Variants in BBS9 observed in about 807,000 individuals in gnomAD.
BBS9 encodes the protein protein PTHB1.
BBS9 carries 89 observed loss-of-function variants against 117.7 expected under a neutral mutation model. The ratio of observed to expected loss-of-function variants is 0.76; its 90% CI spans 0.64 to 0.90. BBS9 has a LOEUF of 0.90. Ranked by LOEUF, BBS9 falls within the 40% of genes least tolerant of loss-of-function variation. BBS9 has a pLI of 0.00. For missense variants in BBS9, 982 were observed against 1,042.2 expected (o/e 0.94, Z 0.80); for synonymous variants, 379 against 370.9 (o/e 1.02, Z -0.25).
chr7:33,411,011 G>GTTTTGTTTTTTTTTTTTTTTTT (rs1831033488), intron 19 of BBS9, among the ~76,000 whole-genome samples: 2 of 96,424 alleles, frequency 2.1e-5, no homozygotes, highest in African/African-American at 6.8e-5. Context: ...AAATGTTGGT[G>GTTTTGTTTTTTTTTTTTTTTTT]TTTTTTTTTT....
At chr7:33,619,212 G>A (rs747002469) in intron 21 of BBS9, among the ~76,000 whole-genome samples, 16 of 151,972 alleles carry the variant, frequency 1.1e-4, no homozygotes, top group Admixed American at 3.3e-4. Flanking sequence ...CTATACTTAC[G>A]TCAGGCAAAA....
At position 33,142,331 on chromosome 7, in the gene BBS9, A is replaced by G. The variant is rs145638842; in HGVS notation, c.-11-3911A>G. On this transcript the variant is annotated intron_variant, in intron 1 of 22. Transcript: ENST00000242067. ...TAAAACATCATAAAAGGGGATCAAA[A>G]CCAGAGCAATGGCTAACACTTATTG... Among the ~76,000 whole-genome samples the G allele has an allele frequency of 3.0e-3, 463 of 152,218 alleles. 2 individuals are homozygous for G. The highest frequency in any genetic ancestry group is 0.01 in the African/African-American group (431 of 41,526).
intron 9 of BBS9, among the ~76,000 whole-genome samples, chr7:33,279,252 A>G (rs2128363259): frequency 6.6e-6 from 1 of 151,912 alleles, no homozygotes; most frequent in South Asian, 2.1e-4. Context: ...ATTTTTTCAT[A>G]TTTTTTAGAG....
At chr7:33,165,140 A>G (rs1198003099) in intron 4 of BBS9, among the ~76,000 whole-genome samples, 1 of 152,116 alleles carries the variant, frequency 6.6e-6, no homozygotes. Flanking sequence ...TTTCTTTAAG[A>G]ATGTTGAATA....
chr7:33,215,786 C>T (rs12701285), intron 5 of BBS9, among the ~76,000 whole-genome samples: 22,269 of 152,188 alleles, frequency 0.15, 1,983 homozygotes, highest in South Asian at 0.23. Flanking sequence ...CCCTTACATG[C>T]GGGAGCTAAA....
chr7:33,212,861 C>T (rs1411374240), intron 5 of BBS9, among the ~76,000 whole-genome samples: 3 of 152,112 alleles, frequency 2.0e-5, no homozygotes, highest in Non-Finnish European at 2.9e-5. Flanking sequence ...CTCAATTGAA[C>T]GTAGTCTCTC....
rs35927295 is a variant in BBS9, at chr7:33,221,908, T to TAC, written c.443-35314_443-35313dup. ...AATGCTTAAAAATCATATATATATA[T>TAC]ACACACACACACACATATATGATAT... On this transcript the variant is annotated intron_variant, in intron 5 of 22. Transcript: ENST00000242067. Among the ~76,000 whole-genome samples the TAC allele has an allele frequency of 7.2e-3, 1,087 of 151,698 alleles. 13 individuals are homozygous for TAC. Among genetic ancestry groups the TAC allele is most frequent in the African/African-American group, 0.024 (1,007 of 41,372 alleles).
At chr7:33,238,413 C>T (rs1260460586) in intron 5 of BBS9, among the ~76,000 whole-genome samples, 3 of 152,104 alleles carry the variant, frequency 2.0e-5, no homozygotes, top group Admixed American at 1.3e-4. Flanking sequence ...GCCTCAGCCT[C>T]CTGAGTAGCT....
At chr7:33,581,966 A>T (rs1386066986) in intron 21 of BBS9, among the ~76,000 whole-genome samples, 1 of 151,390 alleles carries the variant, frequency 6.6e-6, no homozygotes, top group Non-Finnish European at 1.5e-5. Context: ...TTTTACTTCC[A>T]ATTATTTTAC....
At chr7:33,132,379 C>T (rs373689245) in intron 1 of BBS9, among the ~76,000 whole-genome samples, 6 of 152,286 alleles carry the variant, frequency 3.9e-5, no homozygotes, top group African/African-American at 4.8e-5. Context: ...AGAATGCTTG[C>T]AAAGCATTTA....
At chr7:33,204,264 G>A (rs1364589063) in intron 5 of BBS9, among the ~76,000 whole-genome samples, 2 of 4,830 alleles carry the variant, frequency 4.1e-4, no homozygotes, top group African/African-American at 6.3e-4. Flanking sequence ...ATTAGCCGGT[G>A]GTGGTGGTGG....
At chr7:33,575,641 G>A (rs1471094954) in intron 21 of BBS9, among the ~76,000 whole-genome samples, 4 of 152,050 alleles carry the variant, frequency 2.6e-5, no homozygotes, top group Non-Finnish European at 2.9e-5. Context: ...GATGAACATC[G>A]ATGTGAAAAT....
At chr7:33,231,591 T>A (rs1439775979) in intron 5 of BBS9, among the ~76,000 whole-genome samples, 1 of 152,006 alleles carries the variant, frequency 6.6e-6, no homozygotes, top group South Asian at 2.1e-4. Context: ...ATATAAACTT[T>A]GGGATTTTTT....
chr7:33,202,699 T>C (rs1786098264), intron 5 of BBS9, among the ~76,000 whole-genome samples: 1 of 152,068 alleles, frequency 6.6e-6, no homozygotes, highest in Admixed American at 6.6e-5. Context: ...AACTCACTCA[T>C]TTTCATGAAA....
intron 19 of BBS9, among the ~76,000 whole-genome samples, chr7:33,491,078 G>C (rs1308045630): frequency 2.0e-5 from 3 of 152,156 alleles, no homozygotes; most frequent in Non-Finnish European, 4.4e-5. Context: ...GTCCTACCTA[G>C]GAAGTATGGG....
chr7:33,301,868 G>A (rs1806527487), intron 9 of BBS9, among the ~76,000 whole-genome samples: 1 of 152,038 alleles, frequency 6.6e-6, no homozygotes, highest in East Asian at 1.9e-4. Flanking sequence ...TCTCCATAGT[G>A]GTTGTACTAA....
intron 5 of BBS9, chr7:33,242,907 G>A (rs61176328): frequency 5.2e-4 from 271 of 517,948 alleles, no homozygotes; most frequent in Middle Eastern, 1.9e-3. Context: ...GTTAGAAGAC[G>A]TAGTGTTGAG....
At chr7:33,367,074 T>C (rs1338971647) in intron 16 of BBS9, among the ~76,000 whole-genome samples, 1 of 152,222 alleles carries the variant, frequency 6.6e-6, no homozygotes, top group Non-Finnish European at 1.5e-5. Flanking sequence ...ATAGATATTT[T>C]GTTTCTTTCA....
At chr7:33,479,537 T>G (rs775174433) in intron 19 of BBS9, among the ~76,000 whole-genome samples, 1 of 152,224 alleles carries the variant, frequency 6.6e-6, no homozygotes, top group Non-Finnish European at 1.5e-5. Flanking sequence ...ATTGATTCCA[T>G]GTCTTTGCTA....
Sources: gnomAD v4.1 joint callset for allele counts (sites outside exome capture counted in the v4.1 genomes callset) on GRCh38, gnomAD v4.1.1 for gene constraint, MANE v1.5 for transcripts, NCBI Gene and HGNC (gene_info 2026-07-23, HGNC 2026-07-21) for gene names.